Variants in CYP19A1 observed in about 807,000 individuals in gnomAD.
CYP19A1 encodes cytochrome P450 family 19 subfamily A member 1.
CYP19A1 carries 32 observed loss-of-function variants against 44.4 expected under a neutral mutation model. The ratio of observed to expected loss-of-function variants is 0.72; its 90% CI spans 0.54 to 0.97. The LOEUF (loss-of-function observed/expected upper bound fraction) is 0.97, where lower values mean the gene tolerates loss of function less well. Ranked by LOEUF, CYP19A1 falls within the 50% of genes least tolerant of loss-of-function variation. CYP19A1 has a pLI of 0.00. For synonymous variants in CYP19A1, 212 were observed against 215.6 expected (o/e 0.98, Z 0.14); for missense variants, 598 against 637.8 (o/e 0.94, Z 0.67).
intron 1 of CYP19A1, among the ~76,000 whole-genome samples, chr15:51,306,240 T>C: frequency 6.6e-6 from 1 of 152,186 alleles, no homozygotes; most frequent in Non-Finnish European, 1.5e-5. Flanking sequence ...CACACTCGGG[T>C]ACACACAAGC....
At chr15:51,214,007 G>T (rs568021787) in intron 8 of CYP19A1, among the ~76,000 whole-genome samples, 1 of 152,284 alleles carries the variant, frequency 6.6e-6, no homozygotes, top group South Asian at 2.1e-4. Context: ...CCTGTGTGAG[G>T]CATCTGCAGA....
rs559614784 is a variant in CYP19A1 at position 51,316,452 on chromosome 15, A to G, written c.-39+22043T>C. Among the ~76,000 whole-genome samples, 6 of 152,296 alleles carry G rather than the reference A, an allele frequency of 3.9e-5. No homozygotes were observed. In the East Asian group the frequency reaches 1.2e-3, roughly 29 times the overall value. ...ATGAGTTAAGTGTTTTGTAATAATA[A>G]TCTCATATATTAGATAGGGCTTTAA... On this transcript the variant is annotated intron_variant, in intron 1 of 9. Transcript: ENST00000396402.
chr15:51,295,815 G>A (rs1264043595), intron 1 of CYP19A1, among the ~76,000 whole-genome samples: 3 of 152,164 alleles, frequency 2.0e-5, no homozygotes, highest in Non-Finnish European at 2.9e-5. Context: ...AAGCCCTTCC[G>A]TTAGGAAGTC....
At chr15:51,300,111 A>G (rs2036081616) in intron 1 of CYP19A1, among the ~76,000 whole-genome samples, 1 of 152,248 alleles carries the variant, frequency 6.6e-6, no homozygotes, top group Non-Finnish European at 1.5e-5. Flanking sequence ...AGCTCCCCTC[A>G]GAGTCCTGAG....
intron 1 of CYP19A1, among the ~76,000 whole-genome samples, chr15:51,322,592 A>G (rs1234036450): frequency 6.6e-6 from 1 of 152,214 alleles, no homozygotes; most frequent in Non-Finnish European, 1.5e-5. Context: ...GGCCCCTTTC[A>G]GTCATCACAT....
At chr15:51,287,569 C>A (rs1311051708) in intron 1 of CYP19A1, among the ~76,000 whole-genome samples, 1 of 152,246 alleles carries the variant, frequency 6.6e-6, no homozygotes, top group African/African-American at 2.4e-5. Context: ...CAGCCTCTCC[C>A]ATGCAGGCTT....
Position 51,289,376 on chromosome 15 carries a change from T to A in CYP19A1, c.-38-46426A>T, listed in dbSNP as rs189408542. Among the ~76,000 whole-genome samples, 36 of 152,290 alleles carry A rather than the reference T, an allele frequency of 2.4e-4. 1 individual carries two copies. The highest frequency in any genetic ancestry group is 8.2e-4 in the African/African-American group (34 of 41,570). On this transcript the variant is annotated intron_variant, in intron 1 of 9. Coordinates refer to ENST00000396402, the MANE Select transcript of CYP19A1 (RefSeq NM_000103.4). ...CTGCTTATGCCATTCCCTGCACAAT[T>A]CTGGGCATGGAGCAGCTCTCCTAGA...
At chr15:51,273,087 G>T (rs888425517) in intron 1 of CYP19A1, among the ~76,000 whole-genome samples, 1 of 152,102 alleles carries the variant, frequency 6.6e-6, no homozygotes, top group African/African-American at 2.4e-5. Flanking sequence ...AGCCTCCTGA[G>T]TAGCTGGGAC....
intron 1 of CYP19A1, among the ~76,000 whole-genome samples, chr15:51,298,965 G>A (rs1450862862): frequency 1.3e-5 from 2 of 152,230 alleles, no homozygotes; most frequent in Non-Finnish European, 1.5e-5. Flanking sequence ...GGGAAGTTGG[G>A]AGAGGAGTGG....
intron 1 of CYP19A1, among the ~76,000 whole-genome samples, chr15:51,248,073 C>G (rs2034145709): frequency 6.6e-6 from 1 of 152,174 alleles, no homozygotes; most frequent in South Asian, 2.1e-4. Flanking sequence ...ATTAATTGCT[C>G]TCAAAAGCCT....
intron 1 of CYP19A1, among the ~76,000 whole-genome samples, chr15:51,285,189 A>C (rs1318437073): frequency 2.6e-5 from 4 of 152,146 alleles, no homozygotes; most frequent in Non-Finnish European, 5.9e-5. Flanking sequence ...AAGAGACCCT[A>C]ATAGTTAGGC....
chr15:51,309,672 G>A (rs1404635592), intron 1 of CYP19A1, among the ~76,000 whole-genome samples: 1 of 152,164 alleles, frequency 6.6e-6, no homozygotes, highest in East Asian at 1.9e-4. Context: ...AATATATAGT[G>A]CTTTACTGTT....
intron 1 of CYP19A1, among the ~76,000 whole-genome samples, chr15:51,305,037 T>A (rs1289050378): frequency 6.6e-6 from 1 of 151,534 alleles, no homozygotes; most frequent in Non-Finnish European, 1.5e-5. Context: ...GCAGCTGGCA[T>A]TACAGGCGCC....
At chr15:51,217,922 C>T (rs957033378) in intron 6 of CYP19A1, among the ~76,000 whole-genome samples, 2 of 152,162 alleles carry the variant, frequency 1.3e-5, no homozygotes, top group African/African-American at 4.8e-5. Flanking sequence ...CTGTACTCTA[C>T]AAGCCCATTG....
chr15:51,234,282 A>T (rs1595699933), intron 3 of CYP19A1, among the ~76,000 whole-genome samples: 1 of 152,130 alleles, frequency 6.6e-6, no homozygotes, highest in East Asian at 1.9e-4. Flanking sequence ...TAAAGAGAAC[A>T]CAAAGACTCC....
chr15:51,246,920 C>A (rs2034082289), intron 1 of CYP19A1, among the ~76,000 whole-genome samples: 1 of 152,180 alleles, frequency 6.6e-6, no homozygotes, highest in African/African-American at 2.4e-5. Flanking sequence ...TGGAGAAATG[C>A]ATTTTTTTCT....
rs74488991 is a variant in CYP19A1 at position 51,311,918 on chromosome 15, T to G, written c.-39+26577A>C. ...AGACAGTCTTCTAAGCCCCTTCAGC[T>G]CTAAAATACCACCCTTTATGAACTC... On this transcript the variant is annotated intron_variant, in intron 1 of 9. Coordinates refer to ENST00000396402, the MANE Select transcript of CYP19A1 (RefSeq NM_000103.4). Among the ~76,000 whole-genome samples the G allele has an allele frequency of 9.8e-3, 1,489 of 152,330 alleles. 23 individuals carry two copies. The highest frequency in any genetic ancestry group is 0.034 in the African/African-American group (1,432 of 41,570).
intron 1 of CYP19A1, among the ~76,000 whole-genome samples, chr15:51,276,339 T>C (rs1444610940): frequency 6.6e-6 from 1 of 152,138 alleles, no homozygotes; most frequent in Non-Finnish European, 1.5e-5. Context: ...CATGTATAGA[T>C]AAAACTCAGA....
intron 5 of CYP19A1, among the ~76,000 whole-genome samples, chr15:51,220,283 T>G (rs374519818): frequency 1.3e-5 from 2 of 152,226 alleles, no homozygotes; most frequent in East Asian, 1.9e-4. Flanking sequence ...CTTCACTTCC[T>G]GTCCTCTTGC....
Sources: gnomAD v4.1 joint callset for allele counts (sites outside exome capture counted in the v4.1 genomes callset) on GRCh38, gnomAD v4.1.1 for gene constraint, MANE v1.5 for transcripts, NCBI Gene and HGNC (gene_info 2026-07-23, HGNC 2026-07-21) for gene names.